Variants in KCNK9 observed in about 807,000 individuals in gnomAD.
KCNK9 encodes the protein potassium two pore domain channel subfamily K member 9.
A neutral mutation model predicts 10.8 loss-of-function variants in KCNK9; 1 was observed. That is an observed-to-expected ratio of 0.09 (90% confidence interval 0.03 to 0.44). The LOEUF (loss-of-function observed/expected upper bound fraction) is 0.44, where lower values mean the gene tolerates loss of function less well. Among genes scored for constraint, KCNK9 ranks in the 20% least tolerant of loss-of-function variants. The pLI is 0.97. For synonymous variants in KCNK9, 231 were observed against 222.7 expected (o/e 1.04, Z -0.33); for missense variants, 303 against 515.0 (o/e 0.59, Z 3.98).
chr8:139,682,257 A>G (rs190058053), intron 1 of KCNK9, among the ~76,000 whole-genome samples: 193 of 152,290 alleles, frequency 1.3e-3, no homozygotes, highest in Non-Finnish European at 2.0e-3. Flanking sequence ...TTCCATGCCT[A>G]TGTTCATTCA....
At chr8:139,692,634 G>A (rs2319424) in intron 1 of KCNK9, among the ~76,000 whole-genome samples, 57,184 of 151,974 alleles carry the variant, frequency 0.38, 12,229 homozygotes, top group Non-Finnish European at 0.48. Context: ...CTGGGAAACC[G>A]CACAGGGAGA....
chr8:139,673,764 G>A (rs1816488468), intron 1 of KCNK9, among the ~76,000 whole-genome samples: 1 of 152,156 alleles, frequency 6.6e-6, no homozygotes, highest in Non-Finnish European at 1.5e-5. Flanking sequence ...TCAGGAGTGG[G>A]GTGGGGCCCC....
Position 139,603,406 on chromosome 8 carries a change from G to A in KCNK9, c.*1-1805C>T, listed in dbSNP as rs374285681. Among the ~76,000 whole-genome samples, 84 of 152,286 alleles carry A rather than the reference G, an allele frequency of 5.5e-4. 3 individuals carry two copies. The highest frequency in any genetic ancestry group is 3.3e-3 in the East Asian group (17 of 5,176). On this transcript the variant is annotated intron_variant, in intron 2 of 2. Coordinates refer to the KCNK9 transcript ENST00000650269. ...AGGGAGCAAAAGGAAGTTGTGGATC[G>A]TGCACTGATTAGCCAGGGACTCAAA...
At chr8:139,609,285 C>T (rs1302869118), downstream of KCNK9, among the ~76,000 whole-genome samples, 1 of 118,454 alleles carries the variant, frequency 8.4e-6, no homozygotes, top group Non-Finnish European at 1.6e-5. Context: ...GTGAGTGTGC[C>T]AGCGGGAAGA....
chr8:139,613,089 C>T (rs75261595), downstream of KCNK9, among the ~76,000 whole-genome samples: 36 of 152,344 alleles, frequency 2.4e-4, no homozygotes, highest in Non-Finnish European at 3.5e-4. Context: ...GTTTCTTAGG[C>T]GTGACAATGG....
At chr8:139,675,509 A>C (rs911250905) in intron 1 of KCNK9, among the ~76,000 whole-genome samples, 1 of 152,200 alleles carries the variant, frequency 6.6e-6, no homozygotes, top group East Asian at 1.9e-4. Context: ...TCTCCACCAC[A>C]TGAGGACACA....
At chr8:139,661,392 C>T (rs1397697279) in intron 1 of KCNK9, among the ~76,000 whole-genome samples, 1 of 152,108 alleles carries the variant, frequency 6.6e-6, no homozygotes, top group Non-Finnish European at 1.5e-5. Context: ...TTCAGGTAGC[C>T]GATGCTGGCC....
At chr8:139,643,671 A>G (rs1815580048) in intron 1 of KCNK9, among the ~76,000 whole-genome samples, 1 of 152,064 alleles carries the variant, frequency 6.6e-6, no homozygotes, top group Non-Finnish European at 1.5e-5. Context: ...CTATGGCTCA[A>G]GTCTAACCAC....
rs1304763832 is a variant in KCNK9, at chr8:139,617,853, C to T, written c.*405G>A. Among the ~76,000 whole-genome samples the T allele has an allele frequency of 2.6e-5, 4 of 152,114 alleles. No individual in the cohort carries two copies. The highest frequency in any genetic ancestry group is 6.5e-5 in the Admixed American group (1 of 15,286). ...GGTCAGAGACACCACTAAGGGTAGG[C>T]GATTGAAGGCTGAGCGTGATGTGCA... On this transcript the variant is annotated 3_prime_UTR_variant, in exon 2 of 2. Transcript: ENST00000520439.
chr8:139,689,164 T>C (rs1428218481), intron 1 of KCNK9, among the ~76,000 whole-genome samples: 3 of 152,146 alleles, frequency 2.0e-5, no homozygotes, highest in African/African-American at 7.2e-5. Flanking sequence ...GCTGACACCT[T>C]GATCTTGGAC....
At chr8:139,687,613 TAC>T (rs1429689463) in intron 1 of KCNK9, among the ~76,000 whole-genome samples, 1 of 79,446 alleles carries the variant, frequency 1.3e-5, no homozygotes, top group Non-Finnish European at 2.8e-5. Context: ...TACATATGTA[TAC>T]ATATATATTC....
chr8:139,630,473 C>T (rs1345649498), intron 1 of KCNK9, among the ~76,000 whole-genome samples: 1 of 152,194 alleles, frequency 6.6e-6, no homozygotes, highest in Admixed American at 6.5e-5. Flanking sequence ...TAGAGCCACA[C>T]AGCAGCAACA....
chr8:139,637,763 A>ACACACACACACACACACACACACC (rs1815383034), intron 1 of KCNK9, among the ~76,000 whole-genome samples: 4 of 89,820 alleles, frequency 4.5e-5, no homozygotes, highest in Non-Finnish European at 9.9e-5. Flanking sequence ...CCTACTCTAC[A>ACACACACACACACACACACACACC]CACACACACA....
intron 1 of KCNK9, among the ~76,000 whole-genome samples, chr8:139,644,724 C>A (rs543757995): frequency 0.065 from 9,741 of 150,556 alleles, 1,099 homozygotes; most frequent in African/African-American, 0.22. Flanking sequence ...GTCCCCCCCC[C>A]CCAGAGCCTC....
intron 1 of KCNK9, among the ~76,000 whole-genome samples, chr8:139,667,282 G>T (rs571887137): frequency 9.2e-5 from 14 of 152,324 alleles, no homozygotes; most frequent in Admixed American, 2.0e-4. Flanking sequence ...GTCCCTAAAG[G>T]CCTCTTCCAT....
intron 1 of KCNK9, 101 bp from the exon 2 acceptor site, chr8:139,619,200 G>A: frequency 7.6e-7 from 1 of 1,324,412 alleles, no homozygotes; most frequent in Non-Finnish European, 1.1e-6. Flanking sequence ...GCAATGCAGA[G>A]GGACCTGGTA....
At chr8:139,623,404 G>A (rs1448781303) in intron 1 of KCNK9, among the ~76,000 whole-genome samples, 4 of 152,158 alleles carry the variant, frequency 2.6e-5, no homozygotes, top group Admixed American at 2.6e-4. Flanking sequence ...CTTGGCACAG[G>A]GGATTCCACA....
At position 139,702,833 on chromosome 8, in the gene KCNK9, T is replaced by A. The variant is rs1817262180; in HGVS notation, c.160A>T (p.Ile54Phe). ...AGCTGCCGGTAGTCCTCGCTGCTGATGTTGTACTTCCCCTTGATCCGGATC... is the reference window on the plus strand; with the variant it reads ...AGCTGCCGGTAGTCCTCGCTGCTGAAGTTGTACTTCCCCTTGATCCGGATC... ...EEIRIKGKYN[I>F]SSEDYRQLEL... Residue 54 changes from isoleucine (I) to phenylalanine (F), a missense_variant, in exon 1 of 2, where the codon ATC becomes TTC. Physicochemically the swap from Ile to Phe is conservative, Grantham distance 21. Transcript: ENST00000520439. The surrounding 1 kb of genome is among the most constrained non-coding windows in gnomAD (Gnocchi z 7.5). 6.2e-7 allele frequency: 1 copy of A among 1,613,842 alleles called. No individual in the cohort carries two copies.
At chr8:139,644,908 C>A (rs1176660879) in intron 1 of KCNK9, among the ~76,000 whole-genome samples, 1 of 152,118 alleles carries the variant, frequency 6.6e-6, no homozygotes, top group Non-Finnish European at 1.5e-5. Flanking sequence ...CTGCTGCCAT[C>A]TCTGATCTAT....
Sources: allele counts gnomAD v4.1 joint callset (sites outside exome capture counted in the v4.1 genomes callset), GRCh38; gene constraint gnomAD v4.1.1; non-coding constraint Gnocchi (gnomAD v3.1); transcripts MANE v1.5; gene names NCBI Gene and HGNC (gene_info 2026-07-23, HGNC 2026-07-21).